NIM1K: variants seen among roughly 807,000 people sequenced by gnomAD.
The protein encoded by NIM1K is NIM1 serine/threonine protein kinase, also known as serine/threonine-protein kinase NIM1.
In NIM1K, 35 loss-of-function variants were observed where a neutral mutation model predicts 37.1. The ratio of observed to expected loss-of-function variants is 0.94; its 90% confidence interval spans 0.72 to 1.25. The LOEUF (loss-of-function observed/expected upper bound fraction) is 1.25. Ranked by LOEUF, NIM1K falls within the 50% of genes most tolerant of loss-of-function variation. NIM1K has a pLI of 0.00. For missense variants in NIM1K, 564 were observed against 548.0 expected (o/e 1.03, Z -0.29); for synonymous variants, 234 against 206.6 (o/e 1.13, Z -1.14).
intron 2 of NIM1K, among the ~76,000 whole-genome samples, chr5:43,264,220 G>T (rs572194262): frequency 1.3e-5 from 2 of 152,270 alleles, no homozygotes; most frequent in African/African-American, 4.8e-5. Flanking sequence ...TGACAGTGGG[G>T]TGTCAAAGCC....
rs533805137 is a variant in NIM1K, at chr5:43,219,957, C to G, written c.-694-25125C>G. Among the ~76,000 whole-genome samples, 15 of 152,066 alleles carry G rather than the reference C, an allele frequency of 9.9e-5. No homozygotes were observed. In the East Asian group the frequency reaches 2.9e-3, roughly 30 times the overall value. ...GGCCAGGCTGGTCTTGAACTCCTGA[C>G]CTCGTGATCCGCCCACCTCGGCCTC... On this transcript the variant is annotated intron_variant, in intron 1 of 3. Coordinates refer to ENST00000326035, the MANE Select transcript of NIM1K (RefSeq NM_153361.4).
rs559572908 is a variant in NIM1K at position 43,209,522 on chromosome 5, T to G, written c.-695+17111T>G. On this transcript the variant is annotated intron_variant, in intron 1 of 3. Coordinates refer to ENST00000326035, the MANE Select transcript of NIM1K (RefSeq NM_153361.4). Reference sequence around the variant, plus strand: ...TAGAACAGTTGTTTGTGGTGATTTTTTTTTTCAACCAAAAAAGGATGTTTA... The same window carrying G: ...TAGAACAGTTGTTTGTGGTGATTTTGTTTTTCAACCAAAAAAGGATGTTTA... Among the ~76,000 whole-genome samples the G allele has an allele frequency of 1.9e-3, 289 of 152,316 alleles. 1 individual carries two copies. Among genetic ancestry groups the G allele is most frequent in the African/African-American group, 6.6e-3 (276 of 41,590 alleles).
intron 1 of NIM1K, among the ~76,000 whole-genome samples, chr5:43,227,875 C>G (rs1752482406): frequency 6.6e-6 from 1 of 152,096 alleles, no homozygotes; most frequent in Non-Finnish European, 1.5e-5. Context: ...AAGGGCAGGG[C>G]TGGAATGATC....
intron 2 of NIM1K, among the ~76,000 whole-genome samples, chr5:43,247,483 C>T (rs753296567): frequency 6.6e-6 from 1 of 152,194 alleles, no homozygotes; most frequent in Non-Finnish European, 1.5e-5. Flanking sequence ...CATCCCAATA[C>T]ACAAACTGAG....
chr5:43,195,499 A>T lies in NIM1K; in HGVS notation c.-695+3088A>T, dbSNP rs782974. 7.1e-4 allele frequency among the ~76,000 whole-genome samples: 108 copies of T among 152,128 alleles called. 1 individual carries two copies. The East Asian group carries it at 0.02, about 28-fold the overall frequency. On this transcript the variant is annotated intron_variant, in intron 1 of 3. Coordinates refer to ENST00000326035, the MANE Select transcript of NIM1K (RefSeq NM_153361.4). ...ATGGTGAGACCTTGTCTCTATAAAAATTTTTTAAAAATTAGCTGGGTGTGG... is the reference window on the plus strand; with the variant it reads ...ATGGTGAGACCTTGTCTCTATAAAATTTTTTTAAAAATTAGCTGGGTGTGG...
intron 1 of NIM1K, among the ~76,000 whole-genome samples, chr5:43,244,874 G>C (rs910082554): frequency 2.0e-5 from 3 of 151,940 alleles, no homozygotes. Flanking sequence ...CGGACCTTAG[G>C]GGCTTTTCTA....
chr5:43,256,902 T>C (rs1202777307), intron 2 of NIM1K, among the ~76,000 whole-genome samples: 1 of 152,164 alleles, frequency 6.6e-6, no homozygotes, highest in Non-Finnish European at 1.5e-5. Flanking sequence ...TACTAGGGTT[T>C]TCTAGGATCA....
At chr5:43,235,467 C>T (rs1042967978) in intron 1 of NIM1K, among the ~76,000 whole-genome samples, 1 of 152,210 alleles carries the variant, frequency 6.6e-6, no homozygotes, top group Non-Finnish European at 1.5e-5. Flanking sequence ...TCATTCCAGA[C>T]CCCACAGATG....
intron 2 of NIM1K, among the ~76,000 whole-genome samples, chr5:43,263,250 TG>T (rs771931703): frequency 6.6e-6 from 1 of 152,238 alleles, no homozygotes; most frequent in Non-Finnish European, 1.5e-5. Context: ...GAACTTTTTT[TG>T]GTTGGTAGGC....
chr5:43,208,376 G>A (rs151084021), intron 1 of NIM1K, among the ~76,000 whole-genome samples: 3,522 of 152,166 alleles, frequency 0.023, 141 homozygotes, highest in East Asian at 0.16. Flanking sequence ...AGGCCGACGC[G>A]GGCAGATCAC....
chr5:43,257,584 C>T (rs903752327), intron 2 of NIM1K, among the ~76,000 whole-genome samples: 1 of 151,906 alleles, frequency 6.6e-6, no homozygotes, highest in Non-Finnish European at 1.5e-5. Flanking sequence ...ATCTCCTGAC[C>T]TCATCATCCA....
chr5:43,209,911 G>A (rs370857875), intron 1 of NIM1K, among the ~76,000 whole-genome samples: 5 of 152,018 alleles, frequency 3.3e-5, no homozygotes, highest in East Asian at 1.9e-4. Context: ...CACCACACCC[G>A]GCCCCGTGCT....
chr5:43,242,298 C>G (rs977219532), intron 1 of NIM1K, among the ~76,000 whole-genome samples: 1 of 151,838 alleles, frequency 6.6e-6, no homozygotes, highest in Non-Finnish European at 1.5e-5. Context: ...CTGAATAGAG[C>G]TCAGGATATA....
At chr5:43,201,195 G>A (rs952107881) in intron 1 of NIM1K, among the ~76,000 whole-genome samples, 1 of 151,792 alleles carries the variant, frequency 6.6e-6, no homozygotes, top group Non-Finnish European at 1.5e-5. Flanking sequence ...GGATCATAAG[G>A]TCATGAGATC....
intron 1 of NIM1K, among the ~76,000 whole-genome samples, chr5:43,234,555 G>C (rs984077586): frequency 6.6e-6 from 1 of 152,120 alleles, no homozygotes; most frequent in Non-Finnish European, 1.5e-5. Context: ...TTGGGAAGCT[G>C]AGGTGGGCAG....
intron 1 of NIM1K, among the ~76,000 whole-genome samples, chr5:43,225,244 A>G (rs1197902630): frequency 7.2e-6 from 1 of 139,318 alleles, no homozygotes; most frequent in Non-Finnish European, 1.5e-5. Context: ...TGGGCAACAG[A>G]AAGAGACCCT....
chr5:43,237,147 C>A lies in NIM1K; in HGVS notation c.-694-7935C>A, dbSNP rs544316121. Among the ~76,000 whole-genome samples, 5 of 152,298 alleles carry A rather than the reference C, an allele frequency of 3.3e-5. No individual in the cohort carries two copies. The East Asian group carries it at 5.8e-4, about 18-fold the overall frequency. On this transcript the variant is annotated intron_variant, in intron 1 of 3. Transcript: ENST00000326035. The stretch of plus-strand genomic sequence containing the variant: ...TACTCAGCTTTTCTTTTAAGGAAAC[C>A]AATGCCTGGCCTTGCCAACCAATGA...
chr5:43,233,614 G>A (rs1344846529), intron 1 of NIM1K, among the ~76,000 whole-genome samples: 1 of 152,154 alleles, frequency 6.6e-6, no homozygotes, highest in African/African-American at 2.4e-5. Flanking sequence ...TAGAAAACGA[G>A]GTTTTTCTAA....
intron 1 of NIM1K, among the ~76,000 whole-genome samples, chr5:43,235,368 T>C (rs1236300610): frequency 6.6e-6 from 1 of 152,222 alleles, no homozygotes; most frequent in East Asian, 1.9e-4. Context: ...ATATTAATAC[T>C]GGAGGGTTTG....
Sources: allele counts gnomAD v4.1 joint callset (sites outside exome capture counted in the v4.1 genomes callset), GRCh38; gene constraint gnomAD v4.1.1; transcripts MANE v1.5; gene names NCBI Gene and HGNC (gene_info 2026-07-23, HGNC 2026-07-21).